Variants in DHRSX observed in about 807,000 individuals in gnomAD.
The protein encoded by DHRSX is dehydrogenase/reductase X-linked.
A neutral mutation model predicts 34.0 loss-of-function variants in DHRSX; 31 were observed. The observed-to-expected ratio is 0.91, with a 90% CI of 0.69 to 1.23. DHRSX has a LOEUF of 1.23. Among genes scored for constraint, DHRSX ranks in the 50% most tolerant of loss-of-function variants. The pLI, the probability that DHRSX is intolerant of heterozygous loss-of-function variation, is 0.00. For missense variants in DHRSX, 414 were observed against 428.1 expected, an observed-to-expected ratio of 0.97 and a Z score of 0.29; for synonymous variants, 201 against 183.8, an observed-to-expected ratio of 1.09 and a Z score of -0.76.
At chrX:2,227,393 G>A (rs772889462) in intron 6 of DHRSX, among the ~76,000 whole-genome samples, 8 of 151,082 alleles carry the variant, frequency 5.3e-5, no homozygotes, top group African/African-American at 1.7e-4. Context: ...AGGAATTAAG[G>A]AAGGAAAGAA....
chrX:2,500,555 C>CGGGGA (rs2045395015), intron 1 of DHRSX: 1 of 170,300 alleles, frequency 5.9e-6, no homozygotes, highest in African/African-American at 2.4e-5. Context: ...GCCACACGCG[C>CGGGGA]GGGGAGGGAA....
chrX:2,237,308 G>C (rs1181933607), intron 6 of DHRSX, among the ~76,000 whole-genome samples: 2 of 152,084 alleles, frequency 1.3e-5, no homozygotes, highest in Non-Finnish European at 2.9e-5. Context: ...TCATTAGACT[G>C]CATGGCGGAT....
intron 4 of DHRSX, among the ~76,000 whole-genome samples, chrX:2,273,963 C>T (rs368481024): frequency 2.2e-4 from 33 of 152,302 alleles, no homozygotes; most frequent in African/African-American, 7.5e-4. Context: ...GCAGCAGCCA[C>T]GCGCAGGGGC....
chrX:2,443,273 T>C (rs1026108713), intron 1 of DHRSX, among the ~76,000 whole-genome samples: 23 of 151,844 alleles, frequency 1.5e-4, no homozygotes, highest in Non-Finnish European at 3.4e-4. Context: ...ACTCAAGTGA[T>C]TTTCCCACAT....
intron 5 of DHRSX, among the ~76,000 whole-genome samples, chrX:2,258,648 GT>G (rs1159152042): frequency 2.0e-5 from 3 of 152,178 alleles, no homozygotes; most frequent in Non-Finnish European, 2.9e-5. Flanking sequence ...AATGTCTGCT[GT>G]TTAAGCCACT....
chrX:2,332,489 C>A (rs2042491885), intron 3 of DHRSX, among the ~76,000 whole-genome samples: 1 of 152,146 alleles, frequency 6.6e-6, no homozygotes, highest in Non-Finnish European at 1.5e-5. Flanking sequence ...AGCTGGGATT[C>A]TAGGAAAACA....
Position 2,243,098 on chromosome X carries a change from G to A in DHRSX, c.729C>T (p.Val243=). Residue 243 remains valine, a synonymous_variant, in exon 6 of 7, where the codon GTC becomes GTT. Coordinates refer to ENST00000334651, the MANE Select transcript of DHRSX (RefSeq NM_145177.3). ...ACACGTGCTTGTAGACGTCCGTGTT[G>A]ACCACCCCGGGGTCCACCACGTTGG... The part of the protein sequence containing the change: ...VTANVVDPGV[V]NTDVYKHVFW... The A allele has an allele frequency of 1.9e-6, 3 of 1,613,858 alleles. No individual in the cohort carries two copies. In the South Asian group the frequency reaches 3.3e-5, roughly 18 times the overall value.
chrX:2,437,696 AGAGTGTGTGTGTGTGTGT>A (rs1410815984), intron 1 of DHRSX, among the ~76,000 whole-genome samples: 1,531 of 91,958 alleles, frequency 0.017, 34 homozygotes, highest in Admixed American at 0.092. Context: ...AGAGAGAGAG[AGAGTGTGTGTGTGTGTGT>A]GTGTGTGTGT....
At chrX:2,426,722 CTTCT>C (rs1473721711) in intron 1 of DHRSX, among the ~76,000 whole-genome samples, 1 of 146,282 alleles carries the variant, frequency 6.8e-6, no homozygotes, top group Non-Finnish European at 1.5e-5. Flanking sequence ...TTCCTCTTCA[CTTCT>C]TTCTCTCACT....
At chrX:2,494,670 C>G (rs2045238704) in intron 1 of DHRSX, among the ~76,000 whole-genome samples, 2 of 151,790 alleles carry the variant, frequency 1.3e-5, no homozygotes, top group South Asian at 4.2e-4. Context: ...TGTCCCAGTA[C>G]CTGGACCAAA....
intron 5 of DHRSX, among the ~76,000 whole-genome samples, chrX:2,256,898 C>T (rs1271417364): frequency 6.6e-6 from 1 of 152,118 alleles, no homozygotes; most frequent in Non-Finnish European, 1.5e-5. Flanking sequence ...CTCCAAACTT[C>T]GGGTTTAGGA....
chrX:2,270,199 G>C (rs2041531294), intron 4 of DHRSX, among the ~76,000 whole-genome samples: 1 of 152,116 alleles, frequency 6.6e-6, no homozygotes, highest in Non-Finnish European at 1.5e-5. Flanking sequence ...TTGTGTACCT[G>C]CCTGTGTTTG....
intron 3 of DHRSX, among the ~76,000 whole-genome samples, chrX:2,303,789 A>G (rs867378810): frequency 2.7e-5 from 2 of 73,082 alleles, no homozygotes; most frequent in South Asian, 5.2e-4. Flanking sequence ...GGATGGATGG[A>G]TGGGTGGGTG....
chrX:2,399,748 A>AAC, intron 3 of DHRSX, among the ~76,000 whole-genome samples: 1 of 150,562 alleles, frequency 6.6e-6, no homozygotes. Context: ...AAAAACAAAA[A>AAC]AACACAGGGG....
At chrX:2,444,337 G>C (rs1358294714) in intron 1 of DHRSX, among the ~76,000 whole-genome samples, 2 of 152,132 alleles carry the variant, frequency 1.3e-5, no homozygotes, top group Admixed American at 6.5e-5. Flanking sequence ...TTTATATTCA[G>C]TAACAGGTAT....
chrX:2,299,132 C>A (rs141396693), intron 3 of DHRSX, among the ~76,000 whole-genome samples: 1,731 of 152,190 alleles, frequency 0.011, 28 homozygotes, highest in African/African-American at 0.039. Flanking sequence ...CCATTTAATG[C>A]AACAACTCAA....
chrX:2,347,951 C>G (rs2124571072), intron 3 of DHRSX, among the ~76,000 whole-genome samples: 1 of 152,246 alleles, frequency 6.6e-6, no homozygotes, highest in Non-Finnish European at 1.5e-5. Flanking sequence ...CCCTACATAT[C>G]TGCTTCACTA....
At chrX:2,290,552 GAA>G (rs1448251280) in intron 4 of DHRSX, among the ~76,000 whole-genome samples, 1 of 152,210 alleles carries the variant, frequency 6.6e-6, no homozygotes, top group Non-Finnish European at 1.5e-5. Context: ...TCTGCAATCT[GAA>G]GTGTCAATAA....
At chrX:2,272,669 T>C (rs1315798487) in intron 4 of DHRSX, among the ~76,000 whole-genome samples, 1 of 152,058 alleles carries the variant, frequency 6.6e-6, no homozygotes, top group African/African-American at 2.4e-5. Flanking sequence ...CCCAGGTACC[T>C]GTTCTTGTTG....
Sources: gnomAD v4.1 joint callset for allele counts (sites outside exome capture counted in the v4.1 genomes callset) on GRCh38, gnomAD v4.1.1 for gene constraint, MANE v1.5 for transcripts, NCBI Gene and HGNC (gene_info 2026-07-23, HGNC 2026-07-21) for gene names.